PDE4D: variants seen among roughly 807,000 people sequenced by gnomAD.
PDE4D encodes the protein 3',5'-cyclic-AMP phosphodiesterase 4D.
Under a neutral mutation model 87.4 loss-of-function variants are expected in PDE4D, and 24 were observed. The observed-to-expected ratio is 0.27, with a 90% CI of 0.20 to 0.39. The LOEUF (loss-of-function observed/expected upper bound fraction) is 0.39. Among genes scored for constraint, PDE4D ranks in the 10% least tolerant of loss-of-function variants. The pLI is 1.00. For missense variants in PDE4D, 714 were observed against 1,041.0 expected (o/e 0.69, Z 4.32); for synonymous variants, 384 against 383.2 (o/e 1.00, Z -0.02).
chr5:59,056,888 C>T (rs990054884), intron 5 of PDE4D, among the ~76,000 whole-genome samples: 6 of 152,104 alleles, frequency 3.9e-5, no homozygotes, highest in Non-Finnish European at 2.9e-5. Flanking sequence ...CAGGAGCTGC[C>T]AGATAAGGGA....
intron 2 of PDE4D, among the ~76,000 whole-genome samples, chr5:59,196,197 C>T (rs984685086): frequency 6.6e-6 from 1 of 152,162 alleles, no homozygotes; most frequent in African/African-American, 2.4e-5. Flanking sequence ...AACAATGTTG[C>T]AAGGTAGGTG....
chr5:59,696,947 C>G (rs1333376783), intron 1 of PDE4D, among the ~76,000 whole-genome samples: 1 of 152,096 alleles, frequency 6.6e-6, no homozygotes, highest in Non-Finnish European at 1.5e-5. Flanking sequence ...TCAATAGTTA[C>G]AATCACTGGT....
intron 1 of PDE4D, among the ~76,000 whole-genome samples, chr5:59,298,932 A>G (rs1727320922): frequency 6.6e-6 from 1 of 152,220 alleles, no homozygotes; most frequent in Admixed American, 6.5e-5. Flanking sequence ...ATGTTTAAAT[A>G]CCAATACAAA....
chr5:59,051,142 C>T (rs1192944384), intron 5 of PDE4D, among the ~76,000 whole-genome samples: 3 of 152,288 alleles, frequency 2.0e-5, no homozygotes, highest in East Asian at 1.9e-4. Flanking sequence ...GAGGCTGATG[C>T]GAGCAGATCA....
chr5:59,032,838 T>C (rs1757816487), intron 6 of PDE4D, among the ~76,000 whole-genome samples: 1 of 152,206 alleles, frequency 6.6e-6, no homozygotes, highest in Non-Finnish European at 1.5e-5. Flanking sequence ...TCATTTTATT[T>C]TCCCCTTTCA....
intron 1 of PDE4D, among the ~76,000 whole-genome samples, chr5:60,209,957 T>G (rs898555255): frequency 2.0e-5 from 3 of 152,222 alleles, no homozygotes; most frequent in Non-Finnish European, 2.9e-5. Flanking sequence ...ATTACTTTTC[T>G]ATTTATGCAG....
At chr5:60,311,966 T>C (rs1755076793) in intron 1 of PDE4D, among the ~76,000 whole-genome samples, 1 of 152,194 alleles carries the variant, frequency 6.6e-6, no homozygotes, top group Non-Finnish European at 1.5e-5. Flanking sequence ...TACATAATGG[T>C]AAAGGGTTCA....
intron 1 of PDE4D, among the ~76,000 whole-genome samples, chr5:59,702,869 CAAA>C (rs71604798): frequency 1.9e-4 from 13 of 69,810 alleles, no homozygotes; most frequent in South Asian, 1.2e-3. Flanking sequence ...GACCCTGTCT[CAAA>C]AAAAAAAAAA....
chr5:59,681,485 G>A (rs575975497), intron 1 of PDE4D, among the ~76,000 whole-genome samples: 129 of 152,274 alleles, frequency 8.5e-4, no homozygotes, highest in Non-Finnish European at 9.1e-4. Context: ...CATCTTGGAA[G>A]CTTAGACCAA....
intron 1 of PDE4D, among the ~76,000 whole-genome samples, chr5:60,482,863 C>T (rs890185862): frequency 1.3e-5 from 2 of 152,062 alleles, no homozygotes; most frequent in Non-Finnish European, 2.9e-5. Flanking sequence ...CCATATCTTC[C>T]ATTAAATATC....
intron 1 of PDE4D, among the ~76,000 whole-genome samples, chr5:59,452,418 T>G (rs1371283500): frequency 6.6e-6 from 1 of 152,150 alleles, no homozygotes; most frequent in Non-Finnish European, 1.5e-5. Flanking sequence ...AAATGCCAAA[T>G]AGGGGACTGT....
intron 1 of PDE4D, among the ~76,000 whole-genome samples, chr5:59,712,988 C>T (rs571735671): frequency 2.6e-4 from 39 of 152,208 alleles, no homozygotes; most frequent in African/African-American, 9.4e-4. Context: ...ATTTAAATTT[C>T]AACTGCTTTG....
intron 1 of PDE4D, among the ~76,000 whole-genome samples, chr5:59,572,296 G>A (rs1490224589): frequency 6.6e-6 from 1 of 152,168 alleles, no homozygotes; most frequent in Non-Finnish European, 1.5e-5. Context: ...TTAAAGAAGT[G>A]AGAATGCTGT....
At chr5:59,762,270 G>GCA (rs1762098988) in intron 1 of PDE4D, among the ~76,000 whole-genome samples, 3 of 33,332 alleles carry the variant, frequency 9.0e-5, no homozygotes, top group Non-Finnish European at 1.4e-4. Context: ...GCGTATATGT[G>GCA]TATATGGGTA....
At chr5:59,880,361 C>T (rs867917582) in intron 1 of PDE4D, among the ~76,000 whole-genome samples, 8 of 152,274 alleles carry the variant, frequency 5.3e-5, no homozygotes, top group Middle Eastern at 3.4e-3. Context: ...AATCCCGCCT[C>T]GGCCTCCTAA....
intron 1 of PDE4D, among the ~76,000 whole-genome samples, chr5:60,461,261 C>T (rs2150172163): frequency 6.6e-6 from 1 of 152,236 alleles, no homozygotes; most frequent in African/African-American, 2.4e-5. Flanking sequence ...TGGGGGGAAT[C>T]CCTGCCCCAA....
Position 59,622,245 on chromosome 5 carries a change from CAT to C in PDE4D, c.455+270921_455+270922del, listed in dbSNP as rs372824497. On this transcript the variant is annotated intron_variant, in intron 1 of 14. Coordinates refer to ENST00000340635, the MANE Select transcript of PDE4D (RefSeq NM_001104631.2). ...ATATATACGAATGTATGCATACACACATATATTTTAAGAGGAAAATATAATTC... is the reference window on the plus strand; with the variant it reads ...ATATATACGAATGTATGCATACACACATATTTTAAGAGGAAAATATAATTC... 6.1e-4 allele frequency among the ~76,000 whole-genome samples: 93 copies of C among 152,212 alleles called. 1 individual carries two copies. In the East Asian group the frequency reaches 0.015, roughly 25 times the overall value.
At chr5:59,781,784 CAAAAAAAAAAAAAAAAA>C (rs58613622) in intron 1 of PDE4D, among the ~76,000 whole-genome samples, 4 of 39,864 alleles carry the variant, frequency 1.0e-4, no homozygotes, top group Non-Finnish European at 1.4e-4. Flanking sequence ...CACTCCATCT[CAAAAAAAAAAAAAAAAA>C]AAAAAAAAAA....
rs70973183 is a variant in PDE4D at position 59,031,707 on chromosome 5, C to CAAAA, written c.921+7148_921+7151dup. Among the ~76,000 whole-genome samples the CAAAA allele has an allele frequency of 3.7e-3, 61 of 16,670 alleles. 2 individuals carry two copies. Among genetic ancestry groups the CAAAA allele is most frequent in the Non-Finnish European group, 5.0e-3 (50 of 9,952 alleles). 10.9% of individuals were successfully genotyped at this position (16,670 alleles called of 152,430 possible). ...TGGGCTACAAAGCGAGACTCCACCT[C>CAAAA]AAAAAAAAAAAAAAAAAAAAAAAAA... On this transcript the variant is annotated intron_variant, in intron 6 of 14. Coordinates refer to ENST00000340635, the MANE Select transcript of PDE4D (RefSeq NM_001104631.2).
Sources: allele counts gnomAD v4.1 joint callset (sites outside exome capture counted in the v4.1 genomes callset), GRCh38; gene constraint gnomAD v4.1.1; transcripts MANE v1.5; gene names NCBI Gene and HGNC (gene_info 2026-07-23, HGNC 2026-07-21).